LHFPL4: variants seen among roughly 807,000 people sequenced by gnomAD.
The protein encoded by LHFPL4 is LHFPL tetraspan subfamily member 4.
Under a neutral mutation model 20.0 loss-of-function variants are expected in LHFPL4, and 6 were observed. The ratio of observed to expected loss-of-function variants is 0.30; its 90% CI spans 0.16 to 0.59. The LOEUF is 0.59. Among genes scored for constraint, LHFPL4 ranks in the 20% least tolerant of loss-of-function variants. LHFPL4 has a pLI of 0.88. For synonymous variants in LHFPL4, 129 were observed against 143.8 expected (o/e 0.90, Z 0.74); for missense variants, 215 against 331.2 (o/e 0.65, Z 2.72).
chr3:9,541,099 C>T (rs142770831), intron 2 of LHFPL4, among the ~76,000 whole-genome samples: 1 of 151,838 alleles, frequency 6.6e-6, no homozygotes, highest in African/African-American at 2.4e-5. Context: ...TGCCAGCACA[C>T]CCAGCTAATA....
At chr3:9,520,296 A>G (rs1212100415) in intron 2 of LHFPL4, among the ~76,000 whole-genome samples, 2 of 152,086 alleles carry the variant, frequency 1.3e-5, no homozygotes, top group African/African-American at 4.8e-5. Context: ...TCACTAATTT[A>G]AATAAATAAA....
intron 2 of LHFPL4, among the ~76,000 whole-genome samples, chr3:9,523,394 G>GA (rs564094075): frequency 8.5e-4 from 55 of 64,452 alleles, no homozygotes; most frequent in Admixed American, 4.3e-3. Flanking sequence ...AAAAGAAAAA[G>GA]AAAAAAAAAA....
chr3:9,518,706 T>G (rs190498272), intron 2 of LHFPL4, among the ~76,000 whole-genome samples: 111 of 152,104 alleles, frequency 7.3e-4, no homozygotes, highest in African/African-American at 2.6e-3. Context: ...AAAAAAGCAT[T>G]TCTTTATTAT....
chr3:9,506,498 C>T lies in LHFPL4; in HGVS notation c.407-295G>A, dbSNP rs951100101. Among the ~76,000 whole-genome samples the T allele has an allele frequency of 1.3e-5, 2 of 152,158 alleles. No individual in the cohort carries two copies. The highest frequency in any genetic ancestry group is 2.4e-5 in the African/African-American group (1 of 41,430). Reference sequence around the variant, plus strand: ...TCTGGGAATATGAGAACATAGCCACCCACAGCCACCTCCTTCAACTTCCTC... The same window carrying T: ...TCTGGGAATATGAGAACATAGCCACTCACAGCCACCTCCTTCAACTTCCTC... On this transcript the variant is annotated intron_variant, in intron 2 of 3. Coordinates refer to ENST00000287585, the MANE Select transcript of LHFPL4 (RefSeq NM_198560.3). This position sits in a 1 kb window ranked among gnomAD's most constrained non-coding sequence, Gnocchi z 4.5.
intron 2 of LHFPL4, among the ~76,000 whole-genome samples, chr3:9,543,432 G>A (rs1048604980): frequency 3.4e-4 from 51 of 151,628 alleles, no homozygotes; most frequent in African/African-American, 1.2e-3. Context: ...CCCAGGAGGC[G>A]GAGCTTGCAG....
intron 2 of LHFPL4, among the ~76,000 whole-genome samples, chr3:9,546,600 C>G (rs1349402219): frequency 6.6e-6 from 1 of 152,190 alleles, no homozygotes; most frequent in Non-Finnish European, 1.5e-5. Flanking sequence ...TGAACTTGTC[C>G]CTTCTCTCTG....
At chr3:9,508,674 G>A (rs148191748) in intron 2 of LHFPL4, among the ~76,000 whole-genome samples, 71 of 152,304 alleles carry the variant, frequency 4.7e-4, no homozygotes, top group African/African-American at 1.6e-3. Context: ...CTGCGGAGAA[G>A]GCCTGGCCGT....
At chr3:9,511,350 C>CAAA (rs74730069) in intron 2 of LHFPL4, among the ~76,000 whole-genome samples, 1 of 122,164 alleles carries the variant, frequency 8.2e-6, no homozygotes, top group South Asian at 2.7e-4. Flanking sequence ...GACTCCATCT[C>CAAA]AAAAAAAAAA....
At chr3:9,510,063 G>A (rs139185197) in intron 2 of LHFPL4, among the ~76,000 whole-genome samples, 9 of 152,282 alleles carry the variant, frequency 5.9e-5, no homozygotes, top group Admixed American at 1.3e-4. Flanking sequence ...GATTCTTCAT[G>A]AGGGGCCAAC....
intron 2 of LHFPL4, among the ~76,000 whole-genome samples, chr3:9,552,047 A>T (rs914675243): frequency 2.8e-4 from 42 of 152,264 alleles, no homozygotes; most frequent in African/African-American, 8.9e-4. Flanking sequence ...CCCATACCCA[A>T]GCATACAGAC....
chr3:9,539,615 A>AACTGATG (rs2046465254), intron 2 of LHFPL4, among the ~76,000 whole-genome samples: 2 of 151,200 alleles, frequency 1.3e-5, no homozygotes, highest in Admixed American at 1.3e-4. Context: ...TAAAAGAGGG[A>AACTGATG]ATTTGCTTAT....
At chr3:9,511,268 G>A (rs141811878) in intron 2 of LHFPL4, among the ~76,000 whole-genome samples, 6,166 of 151,302 alleles carry the variant, frequency 0.041, 171 homozygotes, top group Non-Finnish European at 0.062. Flanking sequence ...GGAGAATGGT[G>A]TGAACCCAGG....
intron 3 of LHFPL4, among the ~76,000 whole-genome samples, chr3:9,503,181 A>G (rs2046191133): frequency 6.6e-6 from 1 of 151,948 alleles, no homozygotes; most frequent in African/African-American, 2.4e-5. Context: ...ACTCATCTTG[A>G]ACTCCCAGTG....
intron 2 of LHFPL4, among the ~76,000 whole-genome samples, chr3:9,541,843 G>A (rs1324778175): frequency 2.0e-5 from 3 of 152,064 alleles, no homozygotes; most frequent in Non-Finnish European, 4.4e-5. Context: ...GGAAAACAGG[G>A]GTAAATCTTT....
intron 2 of LHFPL4, among the ~76,000 whole-genome samples, chr3:9,520,085 G>T (rs1393777717): frequency 1.3e-5 from 2 of 152,062 alleles, no homozygotes; most frequent in Non-Finnish European, 2.9e-5. Flanking sequence ...TGCATTCTAT[G>T]CTATAAATTT....
intron 2 of LHFPL4, among the ~76,000 whole-genome samples, chr3:9,547,230 C>T (rs534046672): frequency 6.6e-6 from 1 of 152,284 alleles, no homozygotes; most frequent in South Asian, 2.1e-4. Context: ...CTCAAGCAAC[C>T]CTTCTGCCTC....
intron 2 of LHFPL4, among the ~76,000 whole-genome samples, chr3:9,518,642 T>C (rs562843443): frequency 5.6e-4 from 86 of 152,228 alleles, no homozygotes; most frequent in African/African-American, 1.9e-3. Context: ...TATGTCTTTC[T>C]AGGAATTGGT....
chr3:9,526,740 A>G (rs2454461), intron 2 of LHFPL4, among the ~76,000 whole-genome samples: 6,320 of 152,260 alleles, frequency 0.042, 177 homozygotes, highest in Non-Finnish European at 0.061. Context: ...AAGAGAAGAG[A>G]AACACACACA....
At chr3:9,514,280 A>T (rs964121664) in intron 2 of LHFPL4, among the ~76,000 whole-genome samples, 2 of 152,214 alleles carry the variant, frequency 1.3e-5, no homozygotes, top group African/African-American at 4.8e-5. Context: ...CAAAAAAATT[A>T]AAAAATAAAG....
Sources: allele counts gnomAD v4.1 joint callset (sites outside exome capture counted in the v4.1 genomes callset), GRCh38; gene constraint gnomAD v4.1.1; non-coding constraint Gnocchi (gnomAD v3.1); transcripts MANE v1.5; gene names NCBI Gene and HGNC (gene_info 2026-07-23, HGNC 2026-07-21).